The following DIDO1 variants were observed in gnomAD, a reference collection of about 807,000 sequenced individuals.
The protein encoded by DIDO1 is death inducer-obliterator 1.
A neutral mutation model predicts 99.4 loss-of-function variants in DIDO1; 16 were observed. The observed-to-expected ratio is 0.16, with a 90% CI of 0.11 to 0.24. The LOEUF is 0.24. Ranked by LOEUF, DIDO1 falls within the 10% of genes least tolerant of loss-of-function variation. The pLI is 1.00. For missense variants in DIDO1, 2,996 were observed against 3,014.0 expected (o/e 0.99, Z 0.14); for synonymous variants, 1,366 against 1,239.1 (o/e 1.10, Z -2.15).
intron 15 of DIDO1, chr20:62,887,783 C>T (rs2147372900): frequency 2.0e-6 from 2 of 985,516 alleles, no homozygotes; most frequent in Non-Finnish European, 2.4e-6. Flanking sequence ...GACCCCAAGT[C>T]CCTGCGGGGG....
upstream of DIDO1, chr20:62,926,584 G>GAGCCCGGGCTGCGA (rs2065261228): frequency 1.3e-5 from 2 of 152,254 alleles, no homozygotes; most frequent in East Asian, 1.9e-4. Context: ...GGCTAGAGCG[G>GAGCCCGGGCTGCGA]AGCCCGGGCT....
At chr20:62,921,817 A>G (rs2065141671) in intron 1 of DIDO1, among the ~76,000 whole-genome samples, 1 of 151,136 alleles carries the variant, frequency 6.6e-6, no homozygotes, top group Admixed American at 6.6e-5. Flanking sequence ...GTGTGTGTAT[A>G]TCCACAATAT....
In DIDO1 at chr20:62,910,915, T is replaced by C; in HGVS notation, c.698A>G (p.Asp233Gly). The C allele has an allele frequency of 1.2e-6, 2 of 1,614,164 alleles. No homozygotes were observed. Among genetic ancestry groups the C allele is most frequent in the Non-Finnish European group, 1.7e-6 (2 of 1,180,028 alleles). Reference sequence around the variant, plus strand: ...CTTTCCCTCCAACTTACTCTCTCTGTCATCTTTCCCAGCCTGGGACACAAC... The same window carrying C: ...CTTTCCCTCCAACTTACTCTCTCTGCCATCTTTCCCAGCCTGGGACACAAC... ...QGVVSQAGKD[D>G]RESKLEGKAA... Residue 233 changes from aspartate to glycine, a missense_variant, in exon 3 of 16, where the codon GAC becomes GGC. Physicochemically the swap from Asp to Gly is moderately conservative, Grantham distance 94. This residue lies in a region of DIDO1 where 388 missense variants were observed against 376.6 expected (regional missense o/e 1.03). Transcript: ENST00000395343.
chr20:62,925,955 G>C (rs1365052455), intron 1 of DIDO1, among the ~76,000 whole-genome samples: 2 of 152,206 alleles, frequency 1.3e-5, no homozygotes, highest in Non-Finnish European at 2.9e-5. Flanking sequence ...CACGCCAGAA[G>C]CTAAGCCGGC....
Position 62,895,066 on chromosome 20 carries a change from C to T in DIDO1, c.2314G>A (p.Glu772Lys). The T allele has an allele frequency of 1.2e-6, 2 of 1,609,406 alleles. No homozygotes were observed. Among genetic ancestry groups the T allele is most frequent in the Non-Finnish European group, 8.5e-7 (1 of 1,175,912 alleles). Residue 772 changes from glutamate (E) to lysine (K), a missense_variant, in exon 9 of 16, where the codon GAG becomes AAG. Physicochemically the swap from Glu to Lys is moderately conservative, Grantham distance 56 (BLOSUM62 1). Transcript: ENST00000395343. The stretch of plus-strand genomic sequence containing the variant: ...GCACTCACAGATCTCGCTGGCCTCT[C>T]TTTCCACGTGGAAAGCTCTTTAGAT... ...LVSKELSTWK[E>K]RPARSVMESR...
In DIDO1 at chr20:62,893,911, G is replaced by A. The variant is rs6062740; in HGVS notation, c.2856C>T (p.Ser952=). The A allele has an allele frequency of 6.2e-7, 1 of 1,611,374 alleles. No individual in the cohort carries two copies. Among genetic ancestry groups the A allele is most frequent in the Non-Finnish European group, 8.5e-7 (1 of 1,177,908 alleles). The part of the protein sequence containing the change: ...PLEDLSPCPA[S]CGSGVVTTVT... ...CGGTGGTGACCACCCCGCTCCCACA[G>A]GAGGCTGGGCAGGGGGACAGGTCTT... Residue 952 remains serine (S), a synonymous_variant, in exon 12 of 16, where the codon TCC becomes TCT. Transcript: ENST00000395343.
At position 62,881,397 on chromosome 20, in the gene DIDO1, A is replaced by G; in HGVS notation, c.4559T>C (p.Leu1520Ser). Reference sequence around the variant, plus strand: ...GGACGACTTTGGTGGTGGAGACATCAAGGCGTCCGACACCGAGAAGTGGGC... The same window carrying G: ...GGACGACTTTGGTGGTGGAGACATCGAGGCGTCCGACACCGAGAAGTGGGC... ...SMAHFSVSDA[L>S]MSPPPKSSLP... Residue 1520 changes from leucine to serine, a missense_variant, in exon 16 of 16, where the codon TTG becomes TCG. This residue lies in a region of DIDO1 where 1,562 missense variants were observed against 1,412.6 expected (regional missense o/e 1.11). Coordinates refer to ENST00000395343, the MANE Select transcript of DIDO1 (RefSeq NM_001193369.2). The surrounding 1 kb of genome is among the most constrained non-coding windows in gnomAD (Gnocchi z 8.3). The G allele has an allele frequency of 6.2e-7, 1 of 1,605,268 alleles. No individual in the cohort carries two copies. The highest frequency in any genetic ancestry group is 8.5e-7 in the Non-Finnish European group (1 of 1,179,364).
chr20:62,901,707 G>A (rs934192520), intron 6 of DIDO1, among the ~76,000 whole-genome samples: 6 of 151,536 alleles, frequency 4.0e-5, no homozygotes, highest in African/African-American at 1.5e-4. Flanking sequence ...AATGAAAGTT[G>A]CCGCAACCTT....
chr20:62,881,877 A>G lies in DIDO1; in HGVS notation c.4079T>C (p.Leu1360Ser), dbSNP rs940328539. 1.9e-6 allele frequency: 3 copies of G among 1,613,374 alleles called. No individual in the cohort carries two copies. In the African/African-American group the frequency reaches 4.0e-5, roughly 22 times the overall value. ...ACCGAACTGCTGGACGATCGGATCTAACAACGGAGGTGCCGGCACCCCGTC... is the reference window on the plus strand; with the variant it reads ...ACCGAACTGCTGGACGATCGGATCTGACAACGGAGGTGCCGGCACCCCGTC... Reference protein sequence around the residue: ...AEDGVPAPPLLDPIVQQFGQF... With the variant: ...AEDGVPAPPLSDPIVQQFGQF... Residue 1360 changes from leucine to serine, a missense_variant, in exon 16 of 16, where the codon TTA becomes TCA. By Grantham distance (145) the Leu-to-Ser change is moderately radical. Around this residue, in one of 5 missense-constraint regions of DIDO1, gnomAD observed 1,562 missense variants for 1,412.6 expected, o/e 1.11. Coordinates refer to ENST00000395343, the MANE Select transcript of DIDO1 (RefSeq NM_001193369.2). The surrounding 1 kb of genome is among the most constrained non-coding windows in gnomAD (Gnocchi z 8.3).
Position 62,911,481 on chromosome 20 carries a change from C to G in DIDO1, c.132G>C (p.Glu44Asp), listed in dbSNP as rs780488628. 3 of 1,612,514 alleles carry G rather than the reference C, an allele frequency of 1.9e-6. No homozygotes were observed. Among genetic ancestry groups the G allele is most frequent in the Non-Finnish European group, 2.5e-6 (3 of 1,179,400 alleles). ...IAKREGAGDA[E>D]ADPLEPPPPQ... ...GGGGTGGCGGCTCCAGTGGGTCAGC[C>G]TCCGCGTCCCCTGCGCCCTCTCGCT... Residue 44 changes from glutamate to aspartate, a missense_variant, in exon 3 of 16, where the codon GAG (glutamate) becomes GAC (aspartate). Around this residue, in one of 5 missense-constraint regions of DIDO1, gnomAD observed 388 missense variants for 376.6 expected, o/e 1.03. Coordinates refer to ENST00000395343, the MANE Select transcript of DIDO1 (RefSeq NM_001193369.2). The surrounding 1 kb of genome is among the most constrained non-coding windows in gnomAD (Gnocchi z 7.0).
In DIDO1 at chr20:62,882,252, G is replaced by A. The variant is rs200699748; in HGVS notation, c.3704C>T (p.Pro1235Leu). 5.6e-6 allele frequency: 9 copies of A among 1,613,978 alleles called. No individual in the cohort carries two copies. In the Admixed American group the frequency reaches 1.2e-4, roughly 21 times the overall value. ...CTTGGAGGGCTTCTTTTCCGACTGCGGGACTGTGGCTACTTTTGGATAGGC... is the reference window on the plus strand; with the variant it reads ...CTTGGAGGGCTTCTTTTCCGACTGCAGGACTGTGGCTACTTTTGGATAGGC... ...VPAYPKVATVPQSEKKPSKYP... is the reference protein window; with the variant it reads ...VPAYPKVATVLQSEKKPSKYP... Residue 1235 changes from proline (P) to leucine (L), a missense_variant, in exon 16 of 16, where the codon CCG becomes CTG. Pro to Leu is a moderately conservative substitution (Grantham distance 98). Transcript: ENST00000395343.
chr20:62,890,422 C>T, intron 15 of DIDO1: 1 of 989,680 alleles, frequency 1.0e-6, no homozygotes, highest in Non-Finnish European at 1.2e-6. Flanking sequence ...AAGGAACGTG[C>T]AAACACAAAA....
At chr20:62,892,505 G>A (rs1007255114) in intron 13 of DIDO1, among the ~76,000 whole-genome samples, 2 of 152,192 alleles carry the variant, frequency 1.3e-5, no homozygotes, top group Non-Finnish European at 2.9e-5. Flanking sequence ...CGAACACCTG[G>A]CTGTGCCGGT....
chr20:62,921,056 G>C (rs1457801209), intron 1 of DIDO1, among the ~76,000 whole-genome samples: 1 of 152,082 alleles, frequency 6.6e-6, no homozygotes, highest in East Asian at 1.9e-4. Context: ...ACCATGCCGA[G>C]TTATTTTTTT....
Position 62,911,653 on chromosome 20 carries a change from A to G in DIDO1, c.-2-39T>C. On this transcript the variant is annotated intron_variant, in intron 2 of 15. Coordinates refer to ENST00000395343, the MANE Select transcript of DIDO1 (RefSeq NM_001193369.2). This position sits in a 1 kb window ranked among gnomAD's most constrained non-coding sequence, Gnocchi z 7.0. ...GTAAGCACATAGTGACCAACTGACC[A>G]CAGAACAAAAGGTGACATTGCCGCC... 6.7e-7 allele frequency: 1 copy of G among 1,497,448 alleles called. No homozygotes were observed. The allele number at this position is 1,497,448 out of a possible 1,614,324, so 92.8% of individuals were successfully genotyped here. A position where few individuals can be genotyped will look rare whatever the true frequency, so the allele number is the denominator to read the frequency against.
At chr20:62,920,017 G>C (rs944571708) in intron 1 of DIDO1, among the ~76,000 whole-genome samples, 1 of 152,154 alleles carries the variant, frequency 6.6e-6, no homozygotes, top group African/African-American at 2.4e-5. Context: ...CAGTAAAAAA[G>C]AAAGTATGGT....
At chr20:62,917,047 G>A (rs1393105014) in intron 1 of DIDO1, among the ~76,000 whole-genome samples, 1 of 151,828 alleles carries the variant, frequency 6.6e-6, no homozygotes, top group Admixed American at 6.5e-5. Context: ...TTTTCCTGTT[G>A]CCCAGGATGG....
chr20:62,895,209 T>C (rs2064491371), intron 8 of DIDO1, 44 bp from the exon 9 acceptor site: 2 of 1,536,494 alleles, frequency 1.3e-6, no homozygotes, highest in African/African-American at 1.4e-5. Context: ...TATTCCTATA[T>C]CTGTCAATAC....
At chr20:62,919,298 G>A (rs911545112) in intron 1 of DIDO1, among the ~76,000 whole-genome samples, 14 of 152,198 alleles carry the variant, frequency 9.2e-5, no homozygotes, top group South Asian at 2.1e-4. Flanking sequence ...CTGCACTTCG[G>A]GAGGCTGAGG....
Sources: gnomAD v4.1 joint callset for allele counts (sites outside exome capture counted in the v4.1 genomes callset) on GRCh38, gnomAD v4.1.1 for gene constraint, gnomAD v4.1.1 regional missense constraint, Gnocchi (gnomAD v3.1) non-coding constraint, MANE v1.5 for transcripts, NCBI Gene and HGNC (gene_info 2026-07-23, HGNC 2026-07-21) for gene names.